The following COL18A1 variants were observed in gnomAD, a reference collection of about 807,000 sequenced individuals.
COL18A1 encodes the protein collagen alpha-1(XVIII) chain.
COL18A1 carries 133 observed loss-of-function variants against 168.0 expected under a neutral mutation model. The observed-to-expected ratio is 0.79, with a 90% CI of 0.69 to 0.91. The LOEUF is 0.91. Among genes scored for constraint, COL18A1 ranks in the 40% least tolerant of loss-of-function variants. The probability of loss-of-function intolerance (pLI) is 0.00; values close to 1 mark genes in which losing one functional copy is unlikely to be tolerated. For synonymous variants in COL18A1, 949 were observed against 809.0 expected (o/e 1.17, Z -2.94); for missense variants, 2,126 against 1,925.4 (o/e 1.10, Z -1.95).
At chr21:45,445,113 T>C (rs1273840809) in intron 2 of COL18A1, among the ~76,000 whole-genome samples, 3 of 152,220 alleles carry the variant, frequency 2.0e-5, no homozygotes, top group Non-Finnish European at 4.4e-5. Context: ...GAGAAGCCTT[T>C]CCGCCGCCCT....
chr21:45,459,228 A>G (rs1176293104), intron 2 of COL18A1, among the ~76,000 whole-genome samples: 1 of 152,120 alleles, frequency 6.6e-6, no homozygotes, highest in African/African-American at 2.4e-5. Flanking sequence ...CTCTTGGGTT[A>G]GCCCCAACTC....
intron 3 of COL18A1, among the ~76,000 whole-genome samples, chr21:45,470,027 CA>C (rs1189227714): frequency 1.3e-5 from 2 of 152,238 alleles, no homozygotes; most frequent in Non-Finnish European, 2.9e-5. Context: ...AAGTGGCCCA[CA>C]AGTGCCGTAC....
intron 20 of COL18A1, 25 bp downstream of exon 20, chr21:45,490,371 G>C (rs769209678): frequency 6.5e-7 from 1 of 1,544,956 alleles, no homozygotes; most frequent in African/African-American, 1.4e-5. Flanking sequence ...TGGGCCCAGG[G>C]TGCAGGGGGG....
chr21:45,414,025 G>A (rs2033373223), intron 2 of COL18A1, among the ~76,000 whole-genome samples: 1 of 152,238 alleles, frequency 6.6e-6, no homozygotes. Context: ...TGCTCTCTGA[G>A]CCTTGGTCCC....
At chr21:45,430,551 T>A (rs1050029252) in intron 2 of COL18A1, among the ~76,000 whole-genome samples, 61 of 152,160 alleles carry the variant, frequency 4.0e-4, no homozygotes, top group Middle Eastern at 6.8e-3. Flanking sequence ...GGGCATCCAC[T>A]CTGGGCAGGT....
intron 37 of COL18A1, chr21:45,506,841 T>C: frequency 5.8e-6 from 1 of 171,436 alleles, no homozygotes; most frequent in Non-Finnish European, 1.3e-5. Context: ...ACCGGCCCCC[T>C]CCTAGGCCTG....
rs144620037 is a variant in COL18A1 at position 45,499,470 on chromosome 21, C to G, written c.2683+1809C>G. On this transcript the variant is annotated intron_variant, in intron 32 of 41. Transcript: ENST00000651438. ...GTGTGGGCTGCCCCGCATGGCATCC[C>G]AGGAACAGTGGGGTCAGAGGCTCCC... Among the ~76,000 whole-genome samples the G allele has an allele frequency of 9.4e-3, 1,248 of 132,148 alleles. 59 individuals are homozygous for G. Among genetic ancestry groups the G allele is most frequent in the East Asian group, 0.051 (221 of 4,344 alleles). The allele number at this position is 132,148 out of a possible 152,430, so 86.7% of individuals were successfully genotyped here.
chr21:45,510,881 C>G (rs35220265), intron 40 of COL18A1, among the ~76,000 whole-genome samples: 3 of 151,236 alleles, frequency 2.0e-5, no homozygotes, highest in Non-Finnish European at 4.4e-5. Flanking sequence ...CTGGCTCCCC[C>G]ACGCTTGTTC....
chr21:45,480,922 C>A lies in COL18A1; in HGVS notation c.1611+64C>A, dbSNP rs568559269. On this transcript the variant is annotated intron_variant, in intron 13 of 41. Coordinates refer to ENST00000651438, the MANE Select transcript of COL18A1 (RefSeq NM_001379500.1). ...CTGCTGGGAGTGAGGGGTGAACACC[C>A]CACATGGGAGCCCCTGCCCCGCCTC... The A allele has an allele frequency of 6.5e-6, 10 of 1,546,630 alleles. No homozygotes were observed. The African/African-American group carries it at 9.5e-5, about 15-fold the overall frequency.
intron 15 of COL18A1, among the ~76,000 whole-genome samples, chr21:45,483,153 G>A (rs1438631806): frequency 6.6e-6 from 1 of 152,260 alleles, no homozygotes; most frequent in Non-Finnish European, 1.5e-5. Flanking sequence ...GCAGCTCCAG[G>A]AGCTTTGGGA....
intron 22 of COL18A1, 79 bp downstream of exon 22, chr21:45,491,393 C>CCACCCCCCCCA (rs1555869241): frequency 1.4e-6 from 1 of 728,808 alleles, no homozygotes; most frequent in African/African-American, 1.8e-5. Flanking sequence ...GAGCCCCCCC[C>CCACCCCCCCCA]ACACCCCCAC....
chr21:45,474,458 GTC>G (rs1015421323), intron 4 of COL18A1, among the ~76,000 whole-genome samples: 35 of 141,118 alleles, frequency 2.5e-4, no homozygotes, highest in African/African-American at 9.5e-4. Context: ...TGTGTAGTGT[GTC>G]TCTGTGTGTG....
intron 2 of COL18A1, among the ~76,000 whole-genome samples, chr21:45,437,642 G>T (rs1309226617): frequency 3.3e-5 from 1 of 30,132 alleles, no homozygotes; most frequent in Non-Finnish European, 5.4e-5. Context: ...ACTCACACAG[G>T]CACTCTCCTG....
intron 2 of COL18A1, among the ~76,000 whole-genome samples, chr21:45,439,639 C>T (rs1349802903): frequency 6.6e-6 from 1 of 152,228 alleles, no homozygotes; most frequent in African/African-American, 2.4e-5. Flanking sequence ...AAGTCCTGTG[C>T]GCGGGGCCTC....
intron 17 of COL18A1, among the ~76,000 whole-genome samples, chr21:45,487,818 A>G (rs1181787310): frequency 6.6e-6 from 1 of 152,224 alleles, no homozygotes; most frequent in African/African-American, 2.4e-5. Context: ...TCAAGTCATC[A>G]CATTCTTTTT....
At chr21:45,408,977 G>A (rs892805677) in intron 2 of COL18A1, among the ~76,000 whole-genome samples, 3 of 151,758 alleles carry the variant, frequency 2.0e-5, no homozygotes, top group Admixed American at 6.6e-5. Flanking sequence ...CCTTTGTGCC[G>A]GCACTGGCTC....
chr21:45,458,364 G>T (rs934351730), intron 2 of COL18A1, among the ~76,000 whole-genome samples: 2 of 151,724 alleles, frequency 1.3e-5, no homozygotes, highest in African/African-American at 4.8e-5. Context: ...GGCAGGGGCC[G>T]TGCCCACGGC....
intron 2 of COL18A1, among the ~76,000 whole-genome samples, chr21:45,464,644 C>T (rs2035143173): frequency 6.6e-6 from 1 of 152,228 alleles, no homozygotes; most frequent in South Asian, 2.1e-4. Flanking sequence ...CTGGGTCCCT[C>T]TGGGACTCTG....
intron 40 of COL18A1, among the ~76,000 whole-genome samples, chr21:45,510,654 T>C (rs1317988456): frequency 2.0e-5 from 3 of 152,348 alleles, no homozygotes; most frequent in Admixed American, 1.3e-4. Context: ...GTGGCCCCTC[T>C]GCCACAGCAC....
Sources: allele counts gnomAD v4.1 joint callset (sites outside exome capture counted in the v4.1 genomes callset), GRCh38; gene constraint gnomAD v4.1.1; transcripts MANE v1.5; gene names NCBI Gene and HGNC (gene_info 2026-07-23, HGNC 2026-07-21).